The following RP1L1 variants were observed in gnomAD, a reference collection of about 807,000 sequenced individuals.
RP1L1 encodes retinitis pigmentosa 1-like 1 protein.
In RP1L1, 27 loss-of-function variants were observed where a neutral mutation model predicts 15.7. That is an observed-to-expected ratio of 1.72 (90% CI 1.27 to 2.38). The LOEUF (loss-of-function observed/expected upper bound fraction) is 2.38, where lower values mean the gene tolerates loss of function less well. RP1L1 is among the 30% of genes most tolerant of loss of function. The pLI, the probability that RP1L1 is intolerant of heterozygous loss-of-function variation, is 0.00. For missense variants in RP1L1, 4,798 were observed against 3,075.9 expected, an observed-to-expected ratio of 1.56 and a Z score of -13.24; for synonymous variants, 1,813 against 1,276.7, an observed-to-expected ratio of 1.42 and a Z score of -8.96.
At chr8:10,650,401 G>A (rs1431977548) in intron 1 of RP1L1, among the ~76,000 whole-genome samples, 2 of 152,186 alleles carry the variant, frequency 1.3e-5, no homozygotes, top group African/African-American at 2.4e-5. Context: ...ACACAGAGCG[G>A]CATCAGCCAG....
At position 10,606,947 on chromosome 8, in the gene RP1L1, G is replaced by C; in HGVS notation, c.7151C>G (p.Thr2384Ser). 1 of 1,614,250 alleles carries C rather than the reference G, an allele frequency of 6.2e-7. No homozygotes were observed. Among genetic ancestry groups the C allele is most frequent in the African/African-American group, 1.3e-5 (1 of 75,064 alleles). ...GCCGTCTGCCCTGCCCACTGCCTCAGTGGGGGCGAGACTTCCGAGTGCCTG... is the reference window on the plus strand; with the variant it reads ...GCCGTCTGCCCTGCCCACTGCCTCACTGGGGGCGAGACTTCCGAGTGCCTG... The part of the protein sequence containing the change: ...EDQALGSLAP[T>S]EAVGRADGFG... Residue 2384 changes from threonine (T) to serine (S), a missense_variant, in exon 4 of 4, where the codon ACT (threonine) becomes AGT (serine). Physicochemically the swap from Thr to Ser is moderately conservative, Grantham distance 58. Coordinates refer to ENST00000382483, the MANE Select transcript of RP1L1 (RefSeq NM_178857.6).
chr8:10,613,144 G>GTCCTT lies in RP1L1; in HGVS notation c.953_954insAAGGA (p.Asp318GlufsTer10). On this transcript the variant is annotated frameshift_variant, in exon 4 of 4. Transcript: ENST00000382483. LOFTEE classifies it low-confidence loss of function (END_TRUNC). ...CTTTCATCTCCACGGACAGGCTGCCGTCCTCATTCATGCGGACCTTCTTCT... is the reference window on the plus strand; with the variant it reads ...CTTTCATCTCCACGGACAGGCTGCCGTCCTTTCCTCATTCATGCGGACCTTCTTCT... 6.2e-7 allele frequency: 1 copy of GTCCTT among 1,613,850 alleles called. No individual in the cohort carries two copies.
chr8:10,626,450 G>A (rs549290416), intron 1 of RP1L1, among the ~76,000 whole-genome samples: 1 of 152,146 alleles, frequency 6.6e-6, no homozygotes, highest in Non-Finnish European at 1.5e-5. Flanking sequence ...AGCCCCCGGA[G>A]AGAACAAGAG....
chr8:10,616,166 C>G (rs1262575215), intron 3 of RP1L1, among the ~76,000 whole-genome samples: 1 of 152,160 alleles, frequency 6.6e-6, no homozygotes, highest in Non-Finnish European at 1.5e-5. Flanking sequence ...GCTTTGGGCC[C>G]CCAAACGGCT....
intron 1 of RP1L1, among the ~76,000 whole-genome samples, chr8:10,629,244 G>C (rs1445834835): frequency 1.3e-5 from 2 of 152,344 alleles, no homozygotes; most frequent in East Asian, 1.9e-4. Flanking sequence ...GCTGGTGCTG[G>C]AGGTAGCTGC....
At position 10,608,565 on chromosome 8, in the gene RP1L1, G is replaced by A. The variant is rs1473375782; in HGVS notation, c.5533C>T (p.Gln1845Ter). 6.2e-6 allele frequency: 10 copies of A among 1,610,418 alleles called. No homozygotes were observed. In the Middle Eastern group the frequency reaches 4.9e-4, roughly 80 times the overall value. Residue 1845 changes from glutamine to a stop codon, truncating the protein, a stop_gained, in exon 4 of 4, where the codon CAG becomes TAG. Transcript: ENST00000382483. LOFTEE classifies it low-confidence loss of function (END_TRUNC). ...IEAPEAEGEA[Q>*]PESEGVEAPE... ...GCCTCTACACCTTCTGACTCTGGCT[G>A]GGCCTCCCCTTCAGCCTCCGGGGCC...
intron 1 of RP1L1, among the ~76,000 whole-genome samples, chr8:10,629,710 G>T (rs936703964): frequency 1.3e-5 from 2 of 151,970 alleles, no homozygotes; most frequent in African/African-American, 2.4e-5. Flanking sequence ...CCACTCCCAC[G>T]CTGGCATGGG....
At chr8:10,625,816 C>T (rs1746270239) in intron 1 of RP1L1, among the ~76,000 whole-genome samples, 1 of 152,108 alleles carries the variant, frequency 6.6e-6, no homozygotes, top group African/African-American at 2.4e-5. Flanking sequence ...GGATCCACCC[C>T]TGGGGCTGAT....
rs761002048 is a variant in RP1L1, at chr8:10,608,569, C to T, written c.5529G>A (p.Glu1843=). ...CTACACCTTCTGACTCTGGCTGGGC[C>T]TCCCCTTCAGCCTCCGGGGCCTCTA... ...EGIEAPEAEG[E]AQPESEGVEA... is the part of the protein sequence containing the mutation. The change falls in exon 4 of 4, where the codon GAG becomes GAA. Residue 1843 remains glutamate, a synonymous_variant. Transcript: ENST00000382483. 8.1e-6 allele frequency: 13 copies of T among 1,611,078 alleles called. No homozygotes were observed. In the African/African-American group the frequency reaches 1.6e-4, roughly 20 times the overall value.
chr8:10,641,953 T>C (rs1798413426), intron 1 of RP1L1, among the ~76,000 whole-genome samples: 2 of 152,028 alleles, frequency 1.3e-5, no homozygotes, highest in Non-Finnish European at 2.9e-5. Flanking sequence ...GGGAGGGAAG[T>C]GGATGTGGCT....
In RP1L1 at chr8:10,609,475, G is replaced by C; in HGVS notation, c.4623C>G (p.Leu1541=). 1 of 1,612,032 alleles carries C rather than the reference G, an allele frequency of 6.2e-7. No individual in the cohort carries two copies. The highest frequency in any genetic ancestry group is 8.5e-7 in the Non-Finnish European group (1 of 1,179,918). The stretch of plus-strand genomic sequence containing the variant: ...TGTCCTGCAGGCCCCAGCGTGCTCG[G>C]AGCTCAGCCACCGCACTGGCAAGGT... ...LAHLASAVAE[L]RARWGLQDND... is the part of the protein sequence containing the mutation. The change falls in exon 4 of 4, where the codon CTC becomes CTG. Residue 1541 remains leucine, a synonymous_variant. Transcript: ENST00000382483.
intron 2 of RP1L1, among the ~76,000 whole-genome samples, 153 bp from the exon 3 acceptor site, chr8:10,616,740 T>G (rs1797973262): frequency 6.6e-6 from 1 of 151,958 alleles, no homozygotes; most frequent in East Asian, 1.9e-4. Context: ...TCTTATCCAC[T>G]CCCCATAACA....
chr8:10,643,560 A>C (rs981850210), intron 1 of RP1L1, among the ~76,000 whole-genome samples: 1 of 152,134 alleles, frequency 6.6e-6, no homozygotes, highest in Non-Finnish European at 1.5e-5. Context: ...AGGAGAGAAA[A>C]GCATTTAAGG....
At chr8:10,638,773 C>T (rs548831077) in intron 1 of RP1L1, among the ~76,000 whole-genome samples, 13 of 152,086 alleles carry the variant, frequency 8.5e-5, no homozygotes, top group African/African-American at 2.7e-4. Flanking sequence ...AGATAAAACC[C>T]ATTTGCTGCC....
chr8:10,608,562 G>C lies in RP1L1; in HGVS notation c.5536C>G (p.Pro1846Ala), dbSNP rs769232656. ...EAPEAEGEAQPESEGVEAPEA... is the reference protein window; with the variant it reads ...EAPEAEGEAQAESEGVEAPEA... ...GGGGCCTCTACACCTTCTGACTCTG[G>C]CTGGGCCTCCCCTTCAGCCTCCGGG... The change falls in exon 4 of 4, where the codon CCA (proline) becomes GCA (alanine). Residue 1846 changes from proline to alanine, a missense_variant. Pro to Ala is a conservative substitution (Grantham distance 27, BLOSUM62 -1). Coordinates refer to ENST00000382483, the MANE Select transcript of RP1L1 (RefSeq NM_178857.6). 6.2e-7 allele frequency: 1 copy of C among 1,610,390 alleles called. No homozygotes were observed. Among genetic ancestry groups the C allele is most frequent in the South Asian group, 1.1e-5 (1 of 90,824 alleles).
intron 1 of RP1L1, among the ~76,000 whole-genome samples, chr8:10,643,195 G>A (rs564621985): frequency 6.6e-6 from 1 of 152,272 alleles, no homozygotes; most frequent in African/African-American, 2.4e-5. Flanking sequence ...CAAAAGTTAG[G>A]TGGGTGTGGT....
At chr8:10,617,955 G>A (rs949258170) in intron 2 of RP1L1, among the ~76,000 whole-genome samples, 1 of 152,118 alleles carries the variant, frequency 6.6e-6, no homozygotes, top group African/African-American at 2.4e-5. Flanking sequence ...CGGAAGGTAG[G>A]GACCTCGTCT....
chr8:10,623,785 A>G (rs1798114290), intron 1 of RP1L1, among the ~76,000 whole-genome samples: 1 of 149,798 alleles, frequency 6.7e-6, no homozygotes, highest in Non-Finnish European at 1.5e-5. Flanking sequence ...TCCCCAGCAC[A>G]GCACCACATG....
chr8:10,651,310 G>A (rs774882937), intron 1 of RP1L1, among the ~76,000 whole-genome samples: 1 of 152,212 alleles, frequency 6.6e-6, no homozygotes, highest in Non-Finnish European at 1.5e-5. Flanking sequence ...CATTTGAGGA[G>A]TGCTGCAGCG....
Sources: gnomAD v4.1 joint callset for allele counts (sites outside exome capture counted in the v4.1 genomes callset) on GRCh38, gnomAD v4.1.1 for gene constraint, MANE v1.5 for transcripts, NCBI Gene and HGNC (gene_info 2026-07-23, HGNC 2026-07-21) for gene names.